The following LCOR variants were observed in gnomAD, a reference collection of about 807,000 sequenced individuals.
The protein encoded by LCOR is ligand dependent nuclear receptor corepressor.
LCOR carries 14 observed loss-of-function variants against 64.4 expected under a neutral mutation model. The observed-to-expected ratio is 0.22, with a 90% CI of 0.14 to 0.34. LCOR has a LOEUF of 0.34. LCOR is among the 10% of genes least tolerant of loss of function. The pLI is 1.00. For missense variants in LCOR, 1,686 were observed against 1,765.3 expected (o/e 0.96, Z 0.80); for synonymous variants, 643 against 642.5 (o/e 1.00, Z -0.01).
chr10:96,973,372 T>C (rs1460190734), intron 7 of LCOR, among the ~76,000 whole-genome samples: 1 of 152,204 alleles, frequency 6.6e-6, no homozygotes, highest in African/African-American at 2.4e-5. Flanking sequence ...TACACAACTT[T>C]GTCATAACCT....
At chr10:96,832,802 G>T (rs953082721) in intron 1 of LCOR, among the ~76,000 whole-genome samples, 1 of 150,428 alleles carries the variant, frequency 6.6e-6, no homozygotes, top group African/African-American at 2.4e-5. Context: ...TGTACTGGGG[G>T]AGGCGCGAGG....
intron 2 of LCOR, among the ~76,000 whole-genome samples, chr10:96,840,875 C>T (rs1015949002): frequency 2.0e-5 from 3 of 152,238 alleles, no homozygotes; most frequent in Admixed American, 6.5e-5. Flanking sequence ...AGGTGGCTCA[C>T]GCCTGTAATT....
chr10:96,970,529 C>T (rs1306708878), intron 7 of LCOR, among the ~76,000 whole-genome samples: 1 of 151,958 alleles, frequency 6.6e-6, no homozygotes, highest in Non-Finnish European at 1.5e-5. Flanking sequence ...TCTTCTCTAC[C>T]TACCAGGTAG....
At position 96,863,209 on chromosome 10, in the gene LCOR, T is replaced by TG. The variant is rs552965669; in HGVS notation, c.-330+29730_-330+29731insG. Among the ~76,000 whole-genome samples the TG allele has an allele frequency of 3.4e-3, 506 of 148,606 alleles. 2 individuals carry two copies. Among genetic ancestry groups the TG allele is most frequent in the African/African-American group, 0.011 (460 of 40,430 alleles). On this transcript the variant is annotated intron_variant, in intron 2 of 7. Transcript: ENST00000421806. ...AAGTAATATGTTTTCTTTTTCTGTT[T>TG]TTTTTTTTTTTTGTGATGGAGTCTC... is the stretch of plus-strand genomic sequence containing the variant.
At chr10:96,860,720 A>G (rs1192882986) in intron 2 of LCOR, among the ~76,000 whole-genome samples, 7 of 152,130 alleles carry the variant, frequency 4.6e-5, no homozygotes, top group Non-Finnish European at 8.8e-5. Flanking sequence ...AGAAAATGTG[A>G]TGTTACTTTG....
intron 4 of LCOR, among the ~76,000 whole-genome samples, chr10:96,920,998 A>G (rs1238396433): frequency 2.6e-5 from 4 of 151,638 alleles, no homozygotes; most frequent in Admixed American, 6.6e-5. Context: ...GGGCCTTGTC[A>G]TGTTGCCCAG....
rs547839996 is a variant in LCOR at position 96,905,204 on chromosome 10, C to A, written c.-329-2061C>A. On this transcript the variant is annotated intron_variant, in intron 2 of 7. Coordinates refer to ENST00000421806, the MANE Select transcript of LCOR (RefSeq NM_001346516.2). ...TTTTATCTCCCAAAGCTTTCATTTG[C>A]ATTTTTCTTTCCTGGCATTATTTCT... 3.9e-5 allele frequency among the ~76,000 whole-genome samples: 6 copies of A among 152,226 alleles called. No homozygotes were observed. In the South Asian group the frequency reaches 1.2e-3, roughly 32 times the overall value.
In LCOR at chr10:96,981,439, G is replaced by C; in HGVS notation, c.979G>C (p.Ala327Pro). The C allele has an allele frequency of 6.2e-7, 1 of 1,614,186 alleles. No homozygotes were observed. Among genetic ancestry groups the C allele is most frequent in the Non-Finnish European group, 8.5e-7 (1 of 1,180,044 alleles). The change falls in exon 8 of 8, where the codon GCT (alanine) becomes CCT (proline). Residue 327 changes from alanine (A) to proline (P), a missense_variant. By Grantham distance (27) the Ala-to-Pro change is conservative (BLOSUM62 -1). This residue lies in a region of LCOR where 313 missense variants were observed against 247.2 expected (regional missense o/e 1.27). Transcript: ENST00000421806. ...AAGTCTAATTACAGTAAAAATGGCA[G>C]CTGAGAATAGTGAGGAAGGCAATAC... The part of the protein sequence containing the change: ...VESLITVKMA[A>P]ENSEEGNTCI...
intron 4 of LCOR, among the ~76,000 whole-genome samples, chr10:96,917,141 C>G (rs1043252077): frequency 6.6e-6 from 1 of 152,078 alleles, no homozygotes; most frequent in Non-Finnish European, 1.5e-5. Context: ...TCTCCCAGTT[C>G]GTAGAGTTGT....
intron 7 of LCOR, among the ~76,000 whole-genome samples, chr10:96,968,200 A>G (rs1189518979): frequency 6.6e-6 from 1 of 152,132 alleles, no homozygotes; most frequent in Non-Finnish European, 1.5e-5. Flanking sequence ...ATCCCATTCT[A>G]CTTTTTCATT....
chr10:96,916,607 CTATATA>C, intron 4 of LCOR, among the ~76,000 whole-genome samples: 1 of 140,766 alleles, frequency 7.1e-6, no homozygotes, highest in Non-Finnish European at 1.5e-5. Flanking sequence ...ATATATATAT[CTATATA>C]TATGATTATT....
At chr10:96,932,719 C>T (rs1296146746) in intron 4 of LCOR, among the ~76,000 whole-genome samples, 1 of 152,160 alleles carries the variant, frequency 6.6e-6, no homozygotes, top group East Asian at 1.9e-4. Context: ...GTCTCGGCCT[C>T]CCAAAGTGCT....
At chr10:96,970,152 C>G (rs56259326) in intron 7 of LCOR, among the ~76,000 whole-genome samples, 2 of 151,470 alleles carry the variant, frequency 1.3e-5, no homozygotes, top group African/African-American at 4.8e-5. Flanking sequence ...AATCCCAGCA[C>G]TTTGGGAGGC....
At chr10:96,921,126 C>T (rs1847074043) in intron 4 of LCOR, among the ~76,000 whole-genome samples, 1 of 152,072 alleles carries the variant, frequency 6.6e-6, no homozygotes, top group South Asian at 2.1e-4. Flanking sequence ...CCACCACCCC[C>T]AGCCTATATG....
intron 4 of LCOR, among the ~76,000 whole-genome samples, chr10:96,912,607 T>TCTTC (rs80278478): frequency 0.17 from 24,397 of 140,252 alleles, 2,347 homozygotes; most frequent in Non-Finnish European, 0.23. Context: ...TTTCTTCCTT[T>TCTTC]CTTCCTTCCT....
At chr10:96,885,553 A>G (rs1197358264) in intron 2 of LCOR, among the ~76,000 whole-genome samples, 1 of 117,786 alleles carries the variant, frequency 8.5e-6, no homozygotes, top group East Asian at 2.5e-4. Flanking sequence ...GGCTAATTGA[A>G]TTTTTTTTTT....
chr10:96,928,010 T>A (rs1847197610), intron 4 of LCOR, among the ~76,000 whole-genome samples: 1 of 152,218 alleles, frequency 6.6e-6, no homozygotes, highest in Non-Finnish European at 1.5e-5. Flanking sequence ...CTAACAATTA[T>A]GTGAGCCTTC....
At chr10:96,842,015 T>G (rs1049848165) in intron 2 of LCOR, among the ~76,000 whole-genome samples, 3 of 152,146 alleles carry the variant, frequency 2.0e-5, no homozygotes, top group Non-Finnish European at 4.4e-5. Flanking sequence ...AAAAAATGAT[T>G]ATTGTGTATA....
At chr10:96,979,866 G>A (rs922694554) in intron 7 of LCOR, among the ~76,000 whole-genome samples, 9 of 152,242 alleles carry the variant, frequency 5.9e-5, no homozygotes, top group African/African-American at 1.7e-4. Context: ...GTTCTCAGCC[G>A]AGTGCGGCGG....
Sources: allele counts gnomAD v4.1 joint callset (sites outside exome capture counted in the v4.1 genomes callset), GRCh38; gene constraint gnomAD v4.1.1; regional missense constraint gnomAD v4.1.1; transcripts MANE v1.5; gene names NCBI Gene and HGNC (gene_info 2026-07-23, HGNC 2026-07-21).